Variants in MACROD2 observed in about 807,000 individuals in gnomAD.
The protein encoded by MACROD2 is mono-ADP ribosylhydrolase 2.
A neutral mutation model predicts 70.4 loss-of-function variants in MACROD2; 36 were observed. The ratio of observed to expected loss-of-function variants is 0.51; its 90% CI spans 0.39 to 0.68. The LOEUF (loss-of-function observed/expected upper bound fraction) is 0.68. Ranked by LOEUF, MACROD2 falls within the 30% of genes least tolerant of loss-of-function variation. The pLI is 0.00. For synonymous variants in MACROD2, 172 were observed against 178.8 expected (o/e 0.96, Z 0.30); for missense variants, 496 against 538.4 (o/e 0.92, Z 0.78).
intron 3 of MACROD2, among the ~76,000 whole-genome samples, chr20:14,118,371 C>T (rs2054540708): frequency 6.6e-6 from 1 of 152,176 alleles, no homozygotes; most frequent in East Asian, 1.9e-4. Context: ...TTTGATTAGA[C>T]TCTGCCACTG....
chr20:14,870,569 A>T (rs2073476176), intron 5 of MACROD2, among the ~76,000 whole-genome samples: 1 of 152,084 alleles, frequency 6.6e-6, no homozygotes, highest in African/African-American at 2.4e-5. Context: ...AACAGTGTAC[A>T]AGTCTTCCTT....
At position 15,877,501 on chromosome 20, in the gene MACROD2, A is replaced by C. The variant is rs549985107; in HGVS notation, c.728-8263A>C. Reference sequence around the variant, plus strand: ...AAAATTTCTCCTGGCTTTATCAATCACCTTCAAAAAGTAGATTTAGCAATT... The same window carrying C: ...AAAATTTCTCCTGGCTTTATCAATCCCCTTCAAAAAGTAGATTTAGCAATT... On this transcript the variant is annotated intron_variant, in intron 9 of 17. Coordinates refer to ENST00000684519, the MANE Select transcript of MACROD2 (RefSeq NM_001351661.2). Among the ~76,000 whole-genome samples, 154 of 152,168 alleles carry C rather than the reference A, an allele frequency of 1.0e-3. 1 individual carries two copies. Among genetic ancestry groups the C allele is most frequent in the African/African-American group, 3.6e-3 (149 of 41,536 alleles).
At chr20:14,527,862 A>C (rs1023093983) in intron 4 of MACROD2, among the ~76,000 whole-genome samples, 1 of 152,122 alleles carries the variant, frequency 6.6e-6, no homozygotes, top group Non-Finnish European at 1.5e-5. Context: ...AACACTTCTC[A>C]TGTCCACTTA....
rs116367270 is a variant in MACROD2, at chr20:15,741,954, C to A, written c.646-120791C>A. Among the ~76,000 whole-genome samples the A allele has an allele frequency of 5.2e-3, 796 of 152,184 alleles. 5 individuals carry two copies. Among genetic ancestry groups the A allele is most frequent in the African/African-American group, 0.018 (762 of 41,504 alleles). Reference sequence around the variant, plus strand: ...TGATTGACTGGTTGATTGATTTTGCCTTGAGCCCTCATACTTCTTACATTG... The same window carrying A: ...TGATTGACTGGTTGATTGATTTTGCATTGAGCCCTCATACTTCTTACATTG... On this transcript the variant is annotated intron_variant, in intron 8 of 17. Coordinates refer to ENST00000684519, the MANE Select transcript of MACROD2 (RefSeq NM_001351661.2).
chr20:15,311,283 C>A (rs889913457), intron 6 of MACROD2, among the ~76,000 whole-genome samples: 1 of 151,816 alleles, frequency 6.6e-6, no homozygotes, highest in African/African-American at 2.4e-5. Context: ...TAAGCAAAAA[C>A]AAAACAAAAC....
chr20:14,810,594 G>T (rs778583973), intron 5 of MACROD2, among the ~76,000 whole-genome samples: 1 of 152,020 alleles, frequency 6.6e-6, no homozygotes, highest in Non-Finnish European at 1.5e-5. Context: ...GGCCAGGGCA[G>T]TGAGACAAGA....
At chr20:15,072,652 A>G (rs145012445) in intron 5 of MACROD2, among the ~76,000 whole-genome samples, 1 of 152,218 alleles carries the variant, frequency 6.6e-6, no homozygotes, top group East Asian at 1.9e-4. Context: ...TTTTAGCAAG[A>G]TTCTTGTTTG....
chr20:15,588,585 C>T (rs2048635222), intron 8 of MACROD2, among the ~76,000 whole-genome samples: 1 of 152,142 alleles, frequency 6.6e-6, no homozygotes, highest in South Asian at 2.1e-4. Flanking sequence ...CCCAAGTCAC[C>T]TCTTTAATGC....
At chr20:15,229,086 A>G (rs1366092759) in intron 5 of MACROD2, among the ~76,000 whole-genome samples, 1 of 152,182 alleles carries the variant, frequency 6.6e-6, no homozygotes, top group Non-Finnish European at 1.5e-5. Flanking sequence ...AGTAAATTTG[A>G]TTAAAACGTG....
In MACROD2 at chr20:14,684,837, C is replaced by T. The variant is rs2123596663; in HGVS notation, c.302-6C>T. ...ATATAAGCTAACTTTCTTCTTTCTC[C>T]CTTAGTGGATGGCTGTATTCATAGA... On this transcript the variant is annotated splice_region_variant and splice_polypyrimidine_tract_variant and intron_variant, in intron 4 of 17. Transcript: ENST00000684519. 2 of 1,610,508 alleles carry T rather than the reference C, an allele frequency of 1.2e-6. No individual in the cohort carries two copies. Among genetic ancestry groups the T allele is most frequent in the East Asian group, 2.2e-5 (1 of 44,840 alleles).
intron 3 of MACROD2, among the ~76,000 whole-genome samples, chr20:14,173,031 T>C (rs941497060): frequency 6.6e-6 from 1 of 152,232 alleles, no homozygotes. Flanking sequence ...TGGTAGGTTT[T>C]CTTTTATAGT....
intron 12 of MACROD2, among the ~76,000 whole-genome samples, chr20:15,952,029 G>C (rs924158298): frequency 6.6e-6 from 1 of 152,122 alleles, no homozygotes; most frequent in African/African-American, 2.4e-5. Flanking sequence ...TTCCCATGCT[G>C]TTCTGGCGAT....
intron 3 of MACROD2, among the ~76,000 whole-genome samples, chr20:14,345,414 G>A (rs979720710): frequency 6.6e-6 from 1 of 151,960 alleles, no homozygotes; most frequent in Non-Finnish European, 1.5e-5. Context: ...AGGGAGAAGT[G>A]TTTTTCTGAT....
intron 5 of MACROD2, among the ~76,000 whole-genome samples, chr20:14,768,204 G>GAATC (rs1427729834): frequency 6.6e-6 from 1 of 152,060 alleles, no homozygotes; most frequent in Admixed American, 6.6e-5. Flanking sequence ...GATCCTTGAG[G>GAATC]AATCACCACA....
intron 3 of MACROD2, among the ~76,000 whole-genome samples, chr20:14,374,596 G>A (rs924077312): frequency 6.6e-6 from 1 of 152,114 alleles, no homozygotes; most frequent in African/African-American, 2.4e-5. Flanking sequence ...CTGATAGAAA[G>A]ATTTTTTTAT....
chr20:15,027,398 T>A (rs1325121844), intron 5 of MACROD2, among the ~76,000 whole-genome samples: 1 of 152,094 alleles, frequency 6.6e-6, no homozygotes, highest in African/African-American at 2.4e-5. Flanking sequence ...ACAGCTACCA[T>A]GTTTCAATCA....
chr20:15,182,402 G>A (rs577988037), intron 5 of MACROD2, among the ~76,000 whole-genome samples: 1 of 152,206 alleles, frequency 6.6e-6, no homozygotes, highest in African/African-American at 2.4e-5. Context: ...AGGTGGTGGG[G>A]AAATATGTAA....
intron 5 of MACROD2, among the ~76,000 whole-genome samples, chr20:15,189,001 A>G (rs2076552060): frequency 6.6e-6 from 1 of 152,164 alleles, no homozygotes; most frequent in African/African-American, 2.4e-5. Flanking sequence ...CATTTAGCCC[A>G]AAGATAAGAT....
At chr20:15,420,174 C>A (rs1246631992) in intron 6 of MACROD2, among the ~76,000 whole-genome samples, 1 of 152,094 alleles carries the variant, frequency 6.6e-6, no homozygotes, top group East Asian at 1.9e-4. Flanking sequence ...CATTTTGTAT[C>A]CTAATAAATT....
Sources: allele counts gnomAD v4.1 joint callset (sites outside exome capture counted in the v4.1 genomes callset), GRCh38; gene constraint gnomAD v4.1.1; transcripts MANE v1.5; gene names NCBI Gene and HGNC (gene_info 2026-07-23, HGNC 2026-07-21).